ALPK2: variants seen among roughly 807,000 people sequenced by gnomAD.
ALPK2 encodes the protein alpha kinase 2.
Under a neutral mutation model 163.1 loss-of-function variants are expected in ALPK2, and 127 were observed. The ratio of observed to expected loss-of-function variants is 0.78; its 90% CI spans 0.67 to 0.90. The LOEUF (loss-of-function observed/expected upper bound fraction) is 0.90, where lower values mean the gene tolerates loss of function less well. ALPK2 is among the 40% of genes least tolerant of loss of function. The probability of loss-of-function intolerance (pLI) is 0.00; values close to 1 mark genes in which losing one functional copy is unlikely to be tolerated. For missense variants in ALPK2, 2,360 were observed against 2,589.6 expected (o/e 0.91, Z 1.92); for synonymous variants, 953 against 959.1 (o/e 0.99, Z 0.12).
chr18:58,607,707 G>A (rs1184061929), intron 2 of ALPK2, among the ~76,000 whole-genome samples: 1 of 152,070 alleles, frequency 6.6e-6, no homozygotes, highest in Non-Finnish European at 1.5e-5. Flanking sequence ...TAATCTCAAC[G>A]TGCTATTAAG....
chr18:58,628,405 C>T lies in ALPK2; in HGVS notation c.-21+359G>A, dbSNP rs77541213. 3.9e-5 allele frequency among the ~76,000 whole-genome samples: 6 copies of T among 152,246 alleles called. No homozygotes were observed. The East Asian group carries it at 9.6e-4, about 24-fold the overall frequency. Reference sequence around the variant, plus strand: ...CCTGGATAGTTGACTTTTTATGTTGCTTTGCAAAACTTTACATATCACTCG... The same window carrying T: ...CCTGGATAGTTGACTTTTTATGTTGTTTTGCAAAACTTTACATATCACTCG... On this transcript the variant is annotated intron_variant, in intron 1 of 12. Coordinates refer to ENST00000361673, the MANE Select transcript of ALPK2 (RefSeq NM_052947.4).
intron 11 of ALPK2, among the ~76,000 whole-genome samples, chr18:58,500,943 A>G (rs2051428736): frequency 6.6e-6 from 1 of 152,230 alleles, no homozygotes; most frequent in South Asian, 2.1e-4. Context: ...AATCTTCTAA[A>G]TGAGCAAATG....
intron 6 of ALPK2, 62 bp downstream of exon 6, chr18:58,529,029 C>A: frequency 6.3e-7 from 1 of 1,596,140 alleles, no homozygotes; most frequent in South Asian, 1.1e-5. Flanking sequence ...TTCTTTTTTA[C>A]AACCATGTTG....
intron 4 of ALPK2, among the ~76,000 whole-genome samples, chr18:58,565,643 G>A (rs59225975): frequency 0.15 from 22,645 of 151,994 alleles, 1,925 homozygotes; most frequent in African/African-American, 0.22. Flanking sequence ...CATAAAAAGT[G>A]TATCACTTTA....
intron 5 of ALPK2, 72 bp downstream of exon 5, chr18:58,534,762 G>A (rs1482915824): frequency 1.1e-5 from 16 of 1,519,100 alleles, no homozygotes; most frequent in African/African-American, 8.3e-5. Context: ...AAGGACCCTC[G>A]AGGACACAGG....
Position 58,590,506 on chromosome 18 carries a change from G to A in ALPK2, c.228-9958C>T, listed in dbSNP as rs555672555. 2.6e-3 allele frequency among the ~76,000 whole-genome samples: 402 copies of A among 152,310 alleles called. 7 individuals carry two copies. The South Asian group carries it at 0.029, about 11-fold the overall frequency. ...GGCTCCACTCAATAAATAATCACAT[G>A]ATGACATCCGTGTCCTTTCCTTGGC... On this transcript the variant is annotated intron_variant, in intron 3 of 12. Transcript: ENST00000361673.
At chr18:58,533,253 G>A (rs1232063263) in intron 5 of ALPK2, among the ~76,000 whole-genome samples, 1 of 152,172 alleles carries the variant, frequency 6.6e-6, no homozygotes, top group Non-Finnish European at 1.5e-5. Flanking sequence ...TATCTGGACA[G>A]TCCTCTTACC....
At chr18:58,578,027 A>G (rs1602226373) in intron 4 of ALPK2, 1 of 152,244 alleles carries the variant, frequency 6.6e-6, no homozygotes, top group African/African-American at 2.4e-5. Context: ...GACCCTTTGA[A>G]ACTGAAAATA....
intron 2 of ALPK2, among the ~76,000 whole-genome samples, chr18:58,609,461 T>C (rs2052116367): frequency 6.6e-6 from 1 of 152,202 alleles, no homozygotes; most frequent in Non-Finnish European, 1.5e-5. Context: ...CTCCTTTTTG[T>C]GGGTACGTGG....
At chr18:58,498,947 T>C (rs2051417137) in intron 11 of ALPK2, among the ~76,000 whole-genome samples, 1 of 152,192 alleles carries the variant, frequency 6.6e-6, no homozygotes, top group Admixed American at 6.5e-5. Context: ...GGCATGTGTT[T>C]AGTTCAAAGC....
rs757506565 is a variant in ALPK2, at chr18:58,524,063, C to G, written c.5502-1G>C. On this transcript the variant is annotated splice_acceptor_variant, in intron 6 of 12. Coordinates refer to ENST00000361673, the MANE Select transcript of ALPK2 (RefSeq NM_052947.4). LOFTEE classifies it high-confidence loss of function. ...GGAAACAGTGGAGTTGTCCCCTGCA[C>G]TGCAATGAGGAATATTCACATTGAC... 3 of 1,611,656 alleles carry G rather than the reference C, an allele frequency of 1.9e-6. No homozygotes were observed. Among genetic ancestry groups the G allele is most frequent in the Non-Finnish European group, 2.5e-6 (3 of 1,178,416 alleles).
intron 11 of ALPK2, among the ~76,000 whole-genome samples, chr18:58,502,780 A>C (rs2051439351): frequency 6.6e-6 from 1 of 152,184 alleles, no homozygotes; most frequent in Admixed American, 6.5e-5. Context: ...CTGCTTAAGA[A>C]CTTTCTCTGA....
chr18:58,614,981 A>ATTT (rs36032036), intron 1 of ALPK2, among the ~76,000 whole-genome samples: 3 of 140,272 alleles, frequency 2.1e-5, no homozygotes. Flanking sequence ...TCTATTATGG[A>ATTT]TTTTTTTTTT....
Position 58,579,066 on chromosome 18 carries a change from A to G in ALPK2, c.1710T>C (p.Ser570=), listed in dbSNP as rs1568091403. ...GTLHLCSAKE[S]AEPPLTQSDK... ...CACTCTGGGTTAGTGGGGGCTCAGC[A>G]GATTCTTTGGCAGAGCAGAGATGAA... The change falls in exon 4 of 13, where the codon TCT becomes TCC. Residue 570 remains serine (S), a synonymous_variant. Coordinates refer to ENST00000361673, the MANE Select transcript of ALPK2 (RefSeq NM_052947.4). 1 of 1,614,236 alleles carries G rather than the reference A, an allele frequency of 6.2e-7. No homozygotes were observed. Among genetic ancestry groups the G allele is most frequent in the Non-Finnish European group, 8.5e-7 (1 of 1,180,030 alleles).
intron 10 of ALPK2, among the ~76,000 whole-genome samples, chr18:58,507,279 A>G (rs548429815): frequency 2.0e-5 from 3 of 152,338 alleles, no homozygotes; most frequent in East Asian, 1.9e-4. Flanking sequence ...ACAGAGACCT[A>G]TGCATGCAAA....
chr18:58,502,554 C>T (rs1179597921), intron 11 of ALPK2, among the ~76,000 whole-genome samples: 1 of 152,210 alleles, frequency 6.6e-6, no homozygotes, highest in East Asian at 1.9e-4. Context: ...GGTGGTCTTG[C>T]TCTTCAACAC....
At chr18:58,493,358 A>G (rs1054585090) in intron 12 of ALPK2, among the ~76,000 whole-genome samples, 8 of 151,872 alleles carry the variant, frequency 5.3e-5, no homozygotes, top group Non-Finnish European at 8.8e-5. Flanking sequence ...GTCACCACTC[A>G]TGCACATAAG....
intron 4 of ALPK2, among the ~76,000 whole-genome samples, chr18:58,540,105 C>A (rs544915951): frequency 3.7e-4 from 57 of 152,334 alleles, no homozygotes; most frequent in Non-Finnish European, 7.2e-4. Flanking sequence ...AAATGCTCAT[C>A]TACAAGGAGC....
At position 58,499,046 on chromosome 18, in the gene ALPK2, C is replaced by T. The variant is rs576587716; in HGVS notation, c.6248-949G>A. 7.9e-5 allele frequency among the ~76,000 whole-genome samples: 12 copies of T among 152,110 alleles called. No homozygotes were observed. The South Asian group carries it at 8.3e-4, about 11-fold the overall frequency. On this transcript the variant is annotated intron_variant, in intron 11 of 12. Coordinates refer to ENST00000361673, the MANE Select transcript of ALPK2 (RefSeq NM_052947.4). ...TTTCTGGGTGGTCAGTGTTAGACCC[C>T]GGGAAACAATCCTGAGTTCTATGTA... is the stretch of plus-strand genomic sequence containing the variant.
Sources: allele counts gnomAD v4.1 joint callset (sites outside exome capture counted in the v4.1 genomes callset), GRCh38; gene constraint gnomAD v4.1.1; transcripts MANE v1.5; gene names NCBI Gene and HGNC (gene_info 2026-07-23, HGNC 2026-07-21).